The following TANC1 variants were observed in gnomAD, a reference collection of about 807,000 sequenced individuals.
TANC1 encodes tetratricopeptide repeat, ankyrin repeat and coiled-coil containing 1, also known as protein TANC1.
In TANC1, 77 loss-of-function variants were observed where a neutral mutation model predicts 149.7. That is an observed-to-expected ratio of 0.51 (90% CI 0.43 to 0.62). The LOEUF is 0.62. Ranked by LOEUF, TANC1 falls within the 20% of genes least tolerant of loss-of-function variation. TANC1 has a pLI of 0.00. For synonymous variants in TANC1, 854 were observed against 925.0 expected, an observed-to-expected ratio of 0.92 and a Z score of 1.39; for missense variants, 1,985 against 2,321.8, an observed-to-expected ratio of 0.85 and a Z score of 2.98.
At chr2:159,150,638 T>C in intron 7 of TANC1, 82 bp downstream of exon 7, 1 of 1,129,618 alleles carries the variant, frequency 8.9e-7, no homozygotes, top group Non-Finnish European at 1.3e-6. Context: ...CAGAGGGTTT[T>C]AGCATGGTCT....
chr2:159,194,635 C>T (rs2057716138), intron 17 of TANC1, 142 bp downstream of exon 17: 2 of 737,940 alleles, frequency 2.7e-6, no homozygotes, highest in Admixed American at 4.6e-5. Flanking sequence ...GGATTGGTCA[C>T]TTTGTAATGT....
chr2:159,074,581 G>A (rs1368745850), intron 3 of TANC1, among the ~76,000 whole-genome samples: 1 of 152,134 alleles, frequency 6.6e-6, no homozygotes, highest in Non-Finnish European at 1.5e-5. Flanking sequence ...TTATGTTAAT[G>A]CATTGTTTCT....
intron 4 of TANC1, 118 bp downstream of exon 4, chr2:159,097,952 C>T: frequency 1.2e-6 from 1 of 800,940 alleles, no homozygotes; most frequent in Non-Finnish European, 1.9e-6. Flanking sequence ...GTCGCAGTAT[C>T]TTCTAGAAGA....
At position 159,224,355 on chromosome 2, in the gene TANC1, G is replaced by A; in HGVS notation, c.3802G>A (p.Ala1268Thr). The change falls in exon 23 of 27, where the codon GCC becomes ACC. Residue 1268 changes from alanine (A) to threonine (T), a missense_variant. Physicochemically the swap from Ala to Thr is moderately conservative, Grantham distance 58 (BLOSUM62 0). Around this residue, in one of 3 missense-constraint regions of TANC1, gnomAD observed 920 missense variants for 994.7 expected, o/e 0.92. Coordinates refer to ENST00000263635, the MANE Select transcript of TANC1 (RefSeq NM_033394.3). The part of the protein sequence containing the change: ...SVVVALLRKG[A>T]KLGNAAWAMA... ...AGTGGTGGCGCTACTCAGAAAGGGA[G>A]CCAAGTTAGGTCAGTGAGCACTGCC... 2 of 1,614,154 alleles carry A rather than the reference G, an allele frequency of 1.2e-6. No homozygotes were observed. Among genetic ancestry groups the A allele is most frequent in the Non-Finnish European group, 1.7e-6 (2 of 1,180,048 alleles).
intron 1 of TANC1, among the ~76,000 whole-genome samples, chr2:158,980,440 C>T (rs2034166554): frequency 6.6e-6 from 1 of 152,068 alleles, no homozygotes; most frequent in Non-Finnish European, 1.5e-5. Flanking sequence ...AAAATCACCA[C>T]CCCATTATCA....
chr2:159,100,445 T>C (rs1164466834), intron 4 of TANC1, among the ~76,000 whole-genome samples: 2 of 152,194 alleles, frequency 1.3e-5, no homozygotes, highest in Admixed American at 1.3e-4. Context: ...CAAGAAAATA[T>C]CCTCAAGTTT....
intron 8 of TANC1, among the ~76,000 whole-genome samples, chr2:159,168,222 T>G (rs1233661467): frequency 6.6e-6 from 1 of 152,174 alleles, no homozygotes; most frequent in Non-Finnish European, 1.5e-5. Context: ...TTCTAAGATT[T>G]CTTGAGAATT....
intron 7 of TANC1, among the ~76,000 whole-genome samples, chr2:159,156,170 T>A (rs771699272): frequency 2.6e-5 from 4 of 152,238 alleles, no homozygotes; most frequent in Non-Finnish European, 5.9e-5. Flanking sequence ...TAAATTGAAA[T>A]GCTTTGAAAT....
intron 5 of TANC1, among the ~76,000 whole-genome samples, chr2:159,146,557 T>G (rs1193703177): frequency 7.1e-5 from 6 of 84,636 alleles, no homozygotes; most frequent in African/African-American, 2.2e-4. Flanking sequence ...TTTTTTTTTT[T>G]GGAGACAGAA....
chr2:159,053,781 G>C (rs187622076), intron 2 of TANC1, among the ~76,000 whole-genome samples: 10 of 152,304 alleles, frequency 6.6e-5, no homozygotes, highest in African/African-American at 2.4e-4. Flanking sequence ...AAAGGTGTCT[G>C]TCTCCCCAAA....
chr2:159,123,639 A>T (rs2049086822), intron 4 of TANC1, among the ~76,000 whole-genome samples: 1 of 152,206 alleles, frequency 6.6e-6, no homozygotes, highest in Non-Finnish European at 1.5e-5. Flanking sequence ...AAATTACAGG[A>T]TTTCTTAGAA....
At chr2:159,019,514 C>T (rs540856715) in intron 2 of TANC1, among the ~76,000 whole-genome samples, 2 of 152,262 alleles carry the variant, frequency 1.3e-5, no homozygotes, top group Non-Finnish European at 2.9e-5. Flanking sequence ...CAGACCTTTG[C>T]TCTGGAGGTT....
chr2:159,219,605 C>T, intron 21 of TANC1, 87 bp from the exon 22 acceptor site: 1 of 1,522,368 alleles, frequency 6.6e-7, no homozygotes, highest in Non-Finnish European at 9.1e-7. Context: ...TTGGTTCAGG[C>T]CGGGTGTTCC....
At chr2:159,168,682 T>TA (rs894140617) in intron 8 of TANC1, among the ~76,000 whole-genome samples, 22 of 152,058 alleles carry the variant, frequency 1.4e-4, no homozygotes, top group African/African-American at 4.8e-4. Flanking sequence ...ATTTTTATAA[T>TA]AAAAAACACC....
chr2:159,228,734 C>T lies in TANC1; in HGVS notation c.4051-62C>T, dbSNP rs78131014. Reference sequence around the variant, plus strand: ...TGCTACCCTTTAGAACAAAACTAGACGGGCTTCCCACAATCGTGTGTCCAG... The same window carrying T: ...TGCTACCCTTTAGAACAAAACTAGATGGGCTTCCCACAATCGTGTGTCCAG... On this transcript the variant is annotated intron_variant, in intron 25 of 26. Coordinates refer to ENST00000263635, the MANE Select transcript of TANC1 (RefSeq NM_033394.3). The T allele has an allele frequency of 8.6e-3, 10,671 of 1,237,140 alleles. 708 individuals are homozygous for T. In the African/African-American group the frequency reaches 0.14, roughly 16 times the overall value. The allele number at this position is 1,237,140 out of a possible 1,614,324, so 76.6% of individuals were successfully genotyped here. A position where few individuals can be genotyped will look rare whatever the true frequency, so the allele number is the denominator to read the frequency against.
At chr2:159,177,269 A>C (rs575084795) in intron 13 of TANC1, among the ~76,000 whole-genome samples, 5 of 152,008 alleles carry the variant, frequency 3.3e-5, no homozygotes, top group African/African-American at 1.2e-4. Flanking sequence ...AAACTTAAGC[A>C]TGAGGTAACA....
intron 3 of TANC1, among the ~76,000 whole-genome samples, chr2:159,081,785 C>G (rs1372806609): frequency 6.6e-6 from 1 of 152,196 alleles, no homozygotes; most frequent in East Asian, 1.9e-4. Flanking sequence ...GCCCCTTTAT[C>G]TGCCTTCACG....
intron 5 of TANC1, among the ~76,000 whole-genome samples, chr2:159,141,508 C>G (rs775951936): frequency 6.6e-6 from 1 of 152,202 alleles, no homozygotes; most frequent in African/African-American, 2.4e-5. Context: ...ACAACAACTT[C>G]ACGCCTTTGA....
At chr2:159,092,545 G>A (rs930159108) in intron 3 of TANC1, among the ~76,000 whole-genome samples, 1 of 152,140 alleles carries the variant, frequency 6.6e-6, no homozygotes, top group Admixed American at 6.6e-5. Flanking sequence ...CTTATTGGAT[G>A]GCTTTATTCC....
Sources: allele counts gnomAD v4.1 joint callset (sites outside exome capture counted in the v4.1 genomes callset), GRCh38; gene constraint gnomAD v4.1.1; regional missense constraint gnomAD v4.1.1; transcripts MANE v1.5; gene names NCBI Gene and HGNC (gene_info 2026-07-23, HGNC 2026-07-21).